Variants in BAX observed in about 807,000 individuals in gnomAD.
The protein encoded by BAX is apoptosis regulator BAX.
BAX carries 21 observed loss-of-function variants against 26.8 expected under a neutral mutation model. That is an observed-to-expected ratio of 0.78 (90% CI 0.56 to 1.13). The LOEUF (loss-of-function observed/expected upper bound fraction) is 1.13. BAX is among the 50% of genes most tolerant of loss of function. The probability of loss-of-function intolerance (pLI) is 0.00; values close to 1 mark genes in which losing one functional copy is unlikely to be tolerated. For missense variants in BAX, 236 were observed against 254.6 expected (o/e 0.93, Z 0.50); for synonymous variants, 110 against 101.8 (o/e 1.08, Z -0.49).
At chr19:48,955,641 T>C (rs2038093934) in intron 2 of BAX, 42 bp downstream of exon 2, 2 of 1,612,148 alleles carry the variant, frequency 1.2e-6, no homozygotes, top group South Asian at 2.2e-5. Context: ...ATTTGAGGAG[T>C]GACACCCCGT....
At chr19:48,958,524 G>T (rs1261965462) in intron 4 of BAX, among the ~76,000 whole-genome samples, 21 of 132,508 alleles carry the variant, frequency 1.6e-4, no homozygotes, top group African/African-American at 6.1e-4. Context: ...CAAATGGGAG[G>T]GATATTTCTT....
chr19:48,957,265 CTTTTTTT>C (rs61415800), intron 4 of BAX, among the ~76,000 whole-genome samples: 9 of 54,944 alleles, frequency 1.6e-4, no homozygotes, highest in Admixed American at 1.2e-3. Flanking sequence ...TTTTTCTTTT[CTTTTTTT>C]TTTTTTTTTT....
intron 1 of BAX, 134 bp from the exon 2 acceptor site, chr19:48,955,414 C>T (rs1436434526): frequency 1.0e-6 from 1 of 1,001,292 alleles, no homozygotes; most frequent in Non-Finnish European, 1.4e-6. Context: ...GCCCCCCCGT[C>T]ACTTTATCTG....
chr19:48,957,261 T>A (rs1460971780), intron 4 of BAX, among the ~76,000 whole-genome samples: 2 of 111,146 alleles, frequency 1.8e-5, no homozygotes, highest in Non-Finnish European at 3.7e-5. Flanking sequence ...AGACTTTTTC[T>A]TTTCTTTTTT....
chr19:48,961,456 TCCCTGATCCCGC>T, intron 5 of BAX, 64 bp from the exon 6 acceptor site: 1 of 1,364,354 alleles, frequency 7.3e-7, no homozygotes, highest in Non-Finnish European at 1.0e-6. Context: ...GCCTCCTCCG[TCCCTGATCCCGC>T]CTCTGCCTGC....
At chr19:48,961,245 C>G (rs922587390) in intron 5 of BAX, 4 of 1,435,364 alleles carry the variant, frequency 2.8e-6, no homozygotes, top group East Asian at 2.5e-5. Flanking sequence ...GACCCTAGCT[C>G]TTTCCTTTTT....
intron 4 of BAX, among the ~76,000 whole-genome samples, chr19:48,958,085 CG>C (rs4645895): frequency 0.015 from 829 of 56,918 alleles, 5 homozygotes; most frequent in African/African-American, 0.048. Context: ...AGCAGAGGTG[CG>C]GGGGGGGCAT....
At chr19:48,960,478 C>T (rs965329756) in intron 4 of BAX, 17 of 345,014 alleles carry the variant, frequency 4.9e-5, no homozygotes, top group Admixed American at 8.1e-5. Context: ...ATTCTCCTGC[C>T]TCAGACTCCC....
Position 48,954,883 on chromosome 19 carries a change from G to T in BAX, c.-46G>T. The T allele has an allele frequency of 6.5e-6, 8 of 1,225,020 alleles. No individual in the cohort carries two copies. Among genetic ancestry groups the T allele is most frequent in the Non-Finnish European group, 8.1e-6 (8 of 982,944 alleles). The allele number at this position is 1,225,020 out of a possible 1,614,324, so 75.9% of individuals were successfully genotyped here. ...TCTCACGTGACCCGGGCGCGCTGCG[G>T]CCGCCCGCGCGGACCCGGCGAGAGG... is the stretch of plus-strand genomic sequence containing the variant. On this transcript the variant is annotated 5_prime_UTR_variant, in exon 1 of 6. Coordinates refer to ENST00000345358, the MANE Select transcript of BAX (RefSeq NM_138761.4).
chr19:48,958,960 G>T (rs1380866289), intron 4 of BAX, among the ~76,000 whole-genome samples: 1 of 152,148 alleles, frequency 6.6e-6, no homozygotes, highest in African/African-American at 2.4e-5. Flanking sequence ...GGGGATGATA[G>T]AATAGAAGTG....
chr19:48,961,458 C>T, intron 5 of BAX, 74 bp from the exon 6 acceptor site: 1 of 1,379,028 alleles, frequency 7.3e-7, no homozygotes, highest in South Asian at 1.2e-5. Context: ...CTCCTCCGTC[C>T]CTGATCCCGC....
intron 4 of BAX, 95 bp from the exon 5 acceptor site, chr19:48,960,715 G>T (rs776243623): frequency 2.0e-5 from 22 of 1,102,822 alleles, no homozygotes; most frequent in African/African-American, 3.1e-5. Flanking sequence ...AAATCTTTGA[G>T]GGGAGGCAAA....
chr19:48,956,277 T>A lies in BAX; in HGVS notation c.313T>A (p.Phe105Ile). Residue 105 changes from phenylalanine to isoleucine, a missense_variant, in exon 4 of 6, where the codon TTC becomes ATC. Transcript: ENST00000345358. ...AGCTGACATGTTTTCTGACGGCAAC[T>A]TCAACTGGGGCCGGGTTGTCGCCCT... is the stretch of plus-strand genomic sequence containing the variant. Reference protein sequence around the residue: ...VAADMFSDGNFNWGRVVALFY... With the variant: ...VAADMFSDGNINWGRVVALFY... 1 of 1,590,904 alleles carries A rather than the reference T, an allele frequency of 6.3e-7. No homozygotes were observed. The highest frequency in any genetic ancestry group is 8.6e-7 in the Non-Finnish European group (1 of 1,169,398).
chr19:48,958,806 A>G (rs1234014539), intron 4 of BAX, among the ~76,000 whole-genome samples: 1 of 151,856 alleles, frequency 6.6e-6, no homozygotes, highest in Non-Finnish European at 1.5e-5. Context: ...CGGTCTCCCA[A>G]AGTGCTGGGA....
chr19:48,959,211 A>T (rs1480838794), intron 4 of BAX, among the ~76,000 whole-genome samples: 2 of 151,758 alleles, frequency 1.3e-5, no homozygotes, highest in Non-Finnish European at 2.9e-5. Flanking sequence ...TTAGCCGGGC[A>T]TGGTGGTGGG....
chr19:48,961,257 T>G (rs2038348927), intron 5 of BAX: 3 of 1,433,380 alleles, frequency 2.1e-6, no homozygotes, highest in Admixed American at 2.9e-5. Flanking sequence ...TTCCTTTTTT[T>G]TTTTTTCCCC....
At chr19:48,957,805 CA>C (rs2038197733) in intron 4 of BAX, among the ~76,000 whole-genome samples, 1 of 152,114 alleles carries the variant, frequency 6.6e-6, no homozygotes. Flanking sequence ...AATTGTAAGT[CA>C]AACCGTCATA....
chr19:48,960,217 G>A (rs1271138719), intron 4 of BAX: 5 of 443,744 alleles, frequency 1.1e-5, no homozygotes, highest in Admixed American at 2.4e-5. Context: ...TTTTTGAGAC[G>A]GATTCTTGCT....
chr19:48,957,810 C>T (rs1298963946), intron 4 of BAX, among the ~76,000 whole-genome samples: 1 of 152,092 alleles, frequency 6.6e-6, no homozygotes, highest in Non-Finnish European at 1.5e-5. Flanking sequence ...TAAGTCAAAC[C>T]GTCATAAGTT....
Sources: allele counts gnomAD v4.1 joint callset (sites outside exome capture counted in the v4.1 genomes callset), GRCh38; gene constraint gnomAD v4.1.1; transcripts MANE v1.5; gene names NCBI Gene and HGNC (gene_info 2026-07-23, HGNC 2026-07-21).